HAUS2: variants seen among roughly 807,000 people sequenced by gnomAD.
HAUS2 encodes the protein HAUS augmin-like complex subunit 2.
HAUS2 carries 20 observed loss-of-function variants against 21.6 expected under a neutral mutation model. That is an observed-to-expected ratio of 0.93 (90% CI 0.65 to 1.35). HAUS2 has a LOEUF of 1.35. HAUS2 is among the 40% of genes most tolerant of loss of function. The pLI is 0.00. For synonymous variants in HAUS2, 113 were observed against 95.6 expected, an observed-to-expected ratio of 1.18 and a Z score of -1.06; for missense variants, 297 against 280.7, an observed-to-expected ratio of 1.06 and a Z score of -0.42.
At chr15:42,558,838 G>A (rs1188627439) in intron 2 of HAUS2, among the ~76,000 whole-genome samples, 2 of 151,954 alleles carry the variant, frequency 1.3e-5, no homozygotes, top group African/African-American at 4.8e-5. Flanking sequence ...CACACCTGTA[G>A]TCCCAGCTAC....
At chr15:42,552,012 T>C (rs60168929) in intron 1 of HAUS2, among the ~76,000 whole-genome samples, 7,108 of 151,232 alleles carry the variant, frequency 0.047, 557 homozygotes, top group African/African-American at 0.16. Flanking sequence ...TTTTGTCTCT[T>C]TTTTTTTGTT....
intron 4 of HAUS2, among the ~76,000 whole-genome samples, chr15:42,563,152 C>T (rs2141604332): frequency 6.7e-6 from 1 of 150,290 alleles, no homozygotes; most frequent in Non-Finnish European, 1.5e-5. Flanking sequence ...CAAGGTGGCT[C>T]ATGCCTGTAA....
At chr15:42,552,276 G>A (rs1269086710) in intron 1 of HAUS2, among the ~76,000 whole-genome samples, 4 of 151,966 alleles carry the variant, frequency 2.6e-5, no homozygotes, top group East Asian at 1.9e-4. Flanking sequence ...CACCCGCCTC[G>A]GCCTCCCAAA....
At chr15:42,565,984 C>G (rs970673871) in intron 5 of HAUS2, among the ~76,000 whole-genome samples, 1 of 152,010 alleles carries the variant, frequency 6.6e-6, no homozygotes, top group African/African-American at 2.4e-5. Context: ...GGGTGGATCA[C>G]GAGGTGAGGA....
intron 3 of HAUS2, chr15:42,560,956 G>C: frequency 1.6e-6 from 1 of 633,274 alleles, no homozygotes; most frequent in Middle Eastern, 2.5e-4. Flanking sequence ...AAAAGACTTT[G>C]TGTTAAGAAT....
intron 1 of HAUS2, among the ~76,000 whole-genome samples, chr15:42,551,177 G>A (rs997405247): frequency 9.9e-5 from 15 of 151,164 alleles, no homozygotes; most frequent in African/African-American, 3.4e-4. Flanking sequence ...CAGTAGAGAC[G>A]GGGTTTCACC....
chr15:42,558,314 C>CTTTTTTTTT (rs547363768), intron 2 of HAUS2, 24 bp downstream of exon 2: 9 of 375,868 alleles, frequency 2.4e-5, no homozygotes, highest in South Asian at 8.4e-5. Flanking sequence ...TTTTCACTTT[C>CTTTTTTTTT]TTTTTTTTTT....
chr15:42,555,047 TGG>T (rs2057758202), intron 1 of HAUS2, among the ~76,000 whole-genome samples: 1 of 151,570 alleles, frequency 6.6e-6, no homozygotes, highest in African/African-American at 2.4e-5. Flanking sequence ...TGGAGTGCAA[TGG>T]CGTGATCTCT....
chr15:42,564,218 A>T (rs1407722240), intron 5 of HAUS2, among the ~76,000 whole-genome samples: 1 of 151,250 alleles, frequency 6.6e-6, no homozygotes, highest in East Asian at 1.9e-4. Flanking sequence ...GTGAGCTGAG[A>T]TCGTGCCAGT....
chr15:42,556,248 C>T (rs889614291), intron 1 of HAUS2, among the ~76,000 whole-genome samples: 3 of 146,816 alleles, frequency 2.0e-5, no homozygotes, highest in African/African-American at 7.6e-5. Flanking sequence ...AGGTGTGAGC[C>T]ACTGCGCCCA....
At position 42,569,565 on chromosome 15, in the gene HAUS2, C is replaced by CGAAAGTGCTGG. The variant is rs2057941001; in HGVS notation, c.*2752_*2762dup. 1 of 152,134 alleles carries CGAAAGTGCTGG rather than the reference C, an allele frequency of 6.6e-6. No homozygotes were observed. The highest frequency in any genetic ancestry group is 6.6e-5 in the Admixed American group (1 of 15,258). 9.4% of individuals were successfully genotyped at this position (152,134 alleles called of 1,614,324 possible). On this transcript the variant is annotated 3_prime_UTR_variant, in exon 6 of 6. Transcript: ENST00000260372. Reference sequence around the variant, plus strand: ...CAAACGACCCTCCCGCCTCAGCCTCCGAAAGTGCTGGGAGTACAGGTGTTA... The same window carrying CGAAAGTGCTGG: ...CAAACGACCCTCCCGCCTCAGCCTCCGAAAGTGCTGGGAAAGTGCTGGGAGTACAGGTGTTA...
rs200173373 is a variant in HAUS2 at position 42,558,287 on chromosome 15, C to T, written c.183C>T (p.Tyr61=). Reference sequence around the variant, plus strand: ...TCACAAATATTCAAGCTGAAATCTACCAGGTAAATCATTTTGTTTTCACTT... The same window carrying T: ...TCACAAATATTCAAGCTGAAATCTATCAGGTAAATCATTTTGTTTTCACTT... ...QQITNIQAEI[Y]QKNLEIELLK... is the part of the protein sequence containing the mutation. The change falls in exon 2 of 6, where the codon TAC becomes TAT. Residue 61 remains tyrosine, a synonymous_variant. Transcript: ENST00000260372. 23 of 1,121,310 alleles carry T rather than the reference C, an allele frequency of 2.1e-5. No individual in the cohort carries two copies. In the East Asian group the frequency reaches 5.1e-4, roughly 25 times the overall value. The allele number at this position is 1,121,310 out of a possible 1,614,324, so 69.5% of individuals were successfully genotyped here.
rs1036743783 is a variant in HAUS2, at chr15:42,568,729, A to C, written c.*1913A>C. 6.6e-6 allele frequency: 1 copy of C among 152,208 alleles called. No homozygotes were observed. The highest frequency in any genetic ancestry group is 2.4e-5 in the African/African-American group (1 of 41,458). 9.4% of individuals were successfully genotyped at this position (152,208 alleles called of 1,614,324 possible). ...AACCCTGGGCACTGTATCTCTAACA[A>C]GTTTCCCTGGTAAACAACATTTCTC... On this transcript the variant is annotated 3_prime_UTR_variant, in exon 6 of 6. Transcript: ENST00000260372.
chr15:42,561,349 A>C lies in HAUS2; in HGVS notation c.336A>C (p.Arg112Ser). ...VLKEKRSLRQ[R>S]LLKPMCQENL... ...AAGAGAAGAGATCCCTTAGGCAAAG[A>C]CTGTTGAAACCCATGTGCCAGGAAA... The change falls in exon 4 of 6, where the codon AGA (arginine) becomes AGC (serine). Residue 112 changes from arginine to serine, a missense_variant. Transcript: ENST00000260372. The C allele has an allele frequency of 6.3e-7, 1 of 1,591,804 alleles. No homozygotes were observed. Among genetic ancestry groups the C allele is most frequent in the Non-Finnish European group, 8.6e-7 (1 of 1,159,674 alleles).
At position 42,558,275 on chromosome 15, in the gene HAUS2, A is replaced by G; in HGVS notation, c.171A>G (p.Gln57=). Residue 57 remains glutamine, a synonymous_variant, in exon 2 of 6, where the codon CAA becomes CAG. Coordinates refer to ENST00000260372, the MANE Select transcript of HAUS2 (RefSeq NM_018097.3). ...FTRLQQITNI[Q]AEIYQKNLEI... is the part of the protein sequence containing the mutation. The stretch of plus-strand genomic sequence containing the variant: ...GACTACAGCAGATCACAAATATTCA[A>G]GCTGAAATCTACCAGGTAAATCATT... The G allele has an allele frequency of 1.5e-6, 2 of 1,353,914 alleles. No homozygotes were observed. Among genetic ancestry groups the G allele is most frequent in the African/African-American group, 1.4e-5 (1 of 69,186 alleles). 83.9% of individuals were successfully genotyped at this position (1,353,914 alleles called of 1,614,324 possible). A position where few individuals can be genotyped will look rare whatever the true frequency, so the allele number is the denominator to read the frequency against.
chr15:42,563,426 A>G (rs1013665671), intron 4 of HAUS2, among the ~76,000 whole-genome samples: 14 of 151,750 alleles, frequency 9.2e-5, no homozygotes, highest in African/African-American at 2.9e-4. Context: ...AAAAAAAAAA[A>G]AAAGAAAAGA....
chr15:42,563,871 T>C lies in HAUS2; in HGVS notation c.498+14T>C, dbSNP rs370132180. On this transcript the variant is annotated intron_variant, in intron 5 of 5. Coordinates refer to ENST00000260372, the MANE Select transcript of HAUS2 (RefSeq NM_018097.3). ...CTAAAGAAAATGGTGAGTATTAATA[T>C]AGCAATCTTCAGTTATTTTTTACTA... 2.6e-6 allele frequency: 3 copies of C among 1,139,848 alleles called. No homozygotes were observed. Among genetic ancestry groups the C allele is most frequent in the South Asian group, 1.3e-5 (1 of 76,440 alleles). The allele number at this position is 1,139,848 out of a possible 1,614,324, so 70.6% of individuals were successfully genotyped here.
In HAUS2 at chr15:42,568,389, A is replaced by G. The variant is rs1002570053; in HGVS notation, c.*1573A>G. ...CATGGCAAGTGAGCATGAGAAAGAT[A>G]TATGGGTCTAAACTTAGCCTTTTAT... On this transcript the variant is annotated 3_prime_UTR_variant, in exon 6 of 6. Transcript: ENST00000260372. The G allele has an allele frequency of 1.3e-5, 2 of 152,232 alleles. No homozygotes were observed. Among genetic ancestry groups the G allele is most frequent in the African/African-American group, 4.8e-5 (2 of 41,462 alleles). The allele number at this position is 152,232 out of a possible 1,614,324, so 9.4% of individuals were successfully genotyped here.
chr15:42,557,668 C>A (rs966037659), intron 1 of HAUS2, among the ~76,000 whole-genome samples: 1 of 151,270 alleles, frequency 6.6e-6, no homozygotes, highest in African/African-American at 2.4e-5. Context: ...GAAGGGGTAA[C>A]CTTTTTAAAA....
Sources: gnomAD v4.1 joint callset for allele counts (sites outside exome capture counted in the v4.1 genomes callset) on GRCh38, gnomAD v4.1.1 for gene constraint, MANE v1.5 for transcripts, NCBI Gene and HGNC (gene_info 2026-07-23, HGNC 2026-07-21) for gene names.